The following NTRK3 variants were observed in gnomAD, a reference collection of about 807,000 sequenced individuals.
The protein encoded by NTRK3 is NT-3 growth factor receptor.
NTRK3 carries 24 observed loss-of-function variants against 91.7 expected under a neutral mutation model. The observed-to-expected ratio is 0.26, with a 90% CI of 0.19 to 0.37. The LOEUF is 0.37. NTRK3 is among the 10% of genes least tolerant of loss of function. The probability of loss-of-function intolerance (pLI) is 1.00; values close to 1 mark genes in which losing one functional copy is unlikely to be tolerated. For synonymous variants in NTRK3, 483 were observed against 404.0 expected, an observed-to-expected ratio of 1.20 and a Z score of -2.34; for missense variants, 880 against 1,068.9, an observed-to-expected ratio of 0.82 and a Z score of 2.46.
chr15:88,017,205 C>G (rs1001077872), intron 14 of NTRK3, among the ~76,000 whole-genome samples: 1 of 152,132 alleles, frequency 6.6e-6, no homozygotes, highest in Non-Finnish European at 1.5e-5. Context: ...TGCTCCCTCA[C>G]AGAGGGGCCT....
chr15:88,232,502 G>C (rs1425768759), intron 3 of NTRK3, among the ~76,000 whole-genome samples: 4 of 152,210 alleles, frequency 2.6e-5, no homozygotes, highest in Admixed American at 2.6e-4. Context: ...AACTTGGCTT[G>C]ATTCAATAAT....
At chr15:88,169,260 G>A (rs2045288324) in intron 5 of NTRK3, among the ~76,000 whole-genome samples, 1 of 152,232 alleles carries the variant, frequency 6.6e-6, no homozygotes, top group Non-Finnish European at 1.5e-5. Flanking sequence ...GCACATTTAA[G>A]AGGATGAGAT....
intron 15 of NTRK3, among the ~76,000 whole-genome samples, chr15:87,935,109 G>A (rs2069148804): frequency 6.6e-6 from 1 of 152,064 alleles, no homozygotes; most frequent in Admixed American, 6.5e-5. Context: ...ACACTTTCCT[G>A]CCCAGCACAC....
At chr15:88,177,489 A>G (rs1403398105) in intron 5 of NTRK3, among the ~76,000 whole-genome samples, 1 of 152,240 alleles carries the variant, frequency 6.6e-6, no homozygotes, top group African/African-American at 2.4e-5. Context: ...GAATGTCAGA[A>G]GAAGGGAGTA....
intron 5 of NTRK3, among the ~76,000 whole-genome samples, chr15:88,165,875 A>G (rs112205947): frequency 6.6e-6 from 1 of 150,880 alleles, no homozygotes; most frequent in East Asian, 2.0e-4. Context: ...GTGTGTGTGT[A>G]TGTGCACATG....
At chr15:87,908,174 G>A (rs983198013) in intron 17 of NTRK3, among the ~76,000 whole-genome samples, 11 of 152,140 alleles carry the variant, frequency 7.2e-5, no homozygotes, top group Admixed American at 5.2e-4. Context: ...TCCACCACAC[G>A]CACAGGTCTG....
At chr15:88,223,692 G>A (rs1320911012) in intron 3 of NTRK3, among the ~76,000 whole-genome samples, 1 of 152,168 alleles carries the variant, frequency 6.6e-6, no homozygotes, top group Non-Finnish European at 1.5e-5. Flanking sequence ...TATGTAATGG[G>A]CATAATAATA....
At chr15:88,238,724 G>T (rs1471199253) in intron 3 of NTRK3, among the ~76,000 whole-genome samples, 1 of 152,200 alleles carries the variant, frequency 6.6e-6, no homozygotes, top group Non-Finnish European at 1.5e-5. Context: ...AGAGAACAAG[G>T]TTTTCACTGA....
intron 13 of NTRK3, among the ~76,000 whole-genome samples, chr15:88,066,995 CCA>C (rs2046705883): frequency 6.6e-6 from 1 of 152,210 alleles, no homozygotes; most frequent in Non-Finnish European, 1.5e-5. Flanking sequence ...CTCAACCTTG[CCA>C]CATTCTCCCA....
intron 10 of NTRK3, 73 bp from the exon 11 acceptor site, chr15:88,128,807 T>A: frequency 7.5e-7 from 1 of 1,329,456 alleles, no homozygotes; most frequent in Non-Finnish European, 1.1e-6. Context: ...TTGGTCCTAA[T>A]AGCTATGATC....
At chr15:87,929,463 G>T (rs746457763) in intron 16 of NTRK3, 29 bp from the exon 17 acceptor site, 3 of 1,611,666 alleles carry the variant, frequency 1.9e-6, no homozygotes, top group Non-Finnish European at 2.5e-6. Flanking sequence ...AAGAGAGGGG[G>T]CAGAGAGAAA....
intron 13 of NTRK3, among the ~76,000 whole-genome samples, chr15:88,081,732 C>T (rs1210059126): frequency 6.6e-6 from 1 of 152,210 alleles, no homozygotes; most frequent in Non-Finnish European, 1.5e-5. Context: ...GGCTGAAGTA[C>T]CTGAGACAGG....
rs141963501 is a variant in NTRK3 at position 87,980,582 on chromosome 15, G to A, written c.1586-39829C>T. Among the ~76,000 whole-genome samples, 1,040 of 152,232 alleles carry A rather than the reference G, an allele frequency of 6.8e-3. 13 individuals are homozygous for A. Among genetic ancestry groups the A allele is most frequent in the Admixed American group, 8.2e-3 (125 of 15,286 alleles). On this transcript the variant is annotated intron_variant, in intron 14 of 18. Coordinates refer to ENST00000394480, the Ensembl canonical transcript of NTRK3. ...GTGTGTGAATATGTGCACAGAGTAA[G>A]CCTATCTTTTTATGGAAGCTATGCT...
intron 16 of NTRK3, among the ~76,000 whole-genome samples, chr15:87,930,601 C>A (rs1280261947): frequency 6.6e-6 from 1 of 152,082 alleles, no homozygotes; most frequent in Non-Finnish European, 1.5e-5. Flanking sequence ...TCAACACCAC[C>A]AATATGGAGA....
intron 14 of NTRK3, among the ~76,000 whole-genome samples, chr15:87,951,875 C>T (rs1440730501): frequency 6.6e-6 from 1 of 152,134 alleles, no homozygotes; most frequent in African/African-American, 2.4e-5. Context: ...ACCTGTAATC[C>T]CAGCACTTTG....
intron 14 of NTRK3, among the ~76,000 whole-genome samples, chr15:88,030,769 A>T (rs759216536): frequency 6.8e-5 from 8 of 117,062 alleles, no homozygotes; most frequent in East Asian, 2.0e-4. Context: ...CTTCCTTTTT[A>T]AAAAAAAATC....
intron 17 of NTRK3, among the ~76,000 whole-genome samples, chr15:87,882,020 T>C (rs2065283904): frequency 6.6e-6 from 1 of 152,036 alleles, no homozygotes; most frequent in Non-Finnish European, 1.5e-5. Flanking sequence ...CTTAGCCTCC[T>C]GAGTAGCTGG....
intron 17 of NTRK3, among the ~76,000 whole-genome samples, chr15:87,881,563 G>T (rs1331445813): frequency 1.3e-5 from 2 of 151,990 alleles, no homozygotes; most frequent in African/African-American, 2.4e-5. Context: ...GGGACTACAG[G>T]TGCCCGCTGC....
chr15:88,186,605 G>A (rs2046966617), intron 3 of NTRK3, among the ~76,000 whole-genome samples: 2 of 152,122 alleles, frequency 1.3e-5, no homozygotes, highest in South Asian at 4.1e-4. Context: ...CTGCTTTCCT[G>A]CAGCCCCAGA....
Sources: gnomAD v4.1 joint callset for allele counts (sites outside exome capture counted in the v4.1 genomes callset) on GRCh38, gnomAD v4.1.1 for gene constraint, MANE v1.5 for transcripts, NCBI Gene and HGNC (gene_info 2026-07-23, HGNC 2026-07-21) for gene names.